DLG5: variants seen among roughly 807,000 people sequenced by gnomAD.
DLG5 encodes discs large MAGUK scaffold protein 5.
DLG5 carries 48 observed loss-of-function variants against 189.8 expected under a neutral mutation model. That is an observed-to-expected ratio of 0.25 (90% CI 0.20 to 0.32). The LOEUF (loss-of-function observed/expected upper bound fraction) is 0.32, where lower values mean the gene tolerates loss of function less well. Ranked by LOEUF, DLG5 falls within the 10% of genes least tolerant of loss-of-function variation. The pLI is 1.00. For synonymous variants in DLG5, 1,016 were observed against 1,054.1 expected, an observed-to-expected ratio of 0.96 and a Z score of 0.70; for missense variants, 2,160 against 2,544.7, an observed-to-expected ratio of 0.85 and a Z score of 3.25.
intron 23 of DLG5, 116 bp from the exon 24 acceptor site, chr10:77,809,846 A>T: frequency 8.1e-7 from 1 of 1,236,284 alleles, no homozygotes; most frequent in Non-Finnish European, 1.1e-6. Context: ...TCAGAACCAC[A>T]GGGAGCTGAG....
chr10:77,844,723 A>T (rs928994484), intron 5 of DLG5, among the ~76,000 whole-genome samples: 2 of 152,262 alleles, frequency 1.3e-5, no homozygotes, highest in Non-Finnish European at 2.9e-5. Context: ...TCAAGAAAAT[A>T]AAAAATAAAA....
At chr10:77,911,630 A>T (rs1846224073) in intron 1 of DLG5, among the ~76,000 whole-genome samples, 1 of 152,046 alleles carries the variant, frequency 6.6e-6, no homozygotes, top group African/African-American at 2.4e-5. Flanking sequence ...CAGACAAGCA[A>T]ACTGGGGTGG....
intron 16 of DLG5, chr10:77,819,694 G>T (rs1842239218): frequency 6.5e-6 from 7 of 1,076,156 alleles, no homozygotes; most frequent in East Asian, 2.5e-5. Flanking sequence ...GTTGCTATGG[G>T]GAGAAAGCAT....
chr10:77,802,178 C>T (rs1389722429), intron 27 of DLG5, among the ~76,000 whole-genome samples: 2 of 152,142 alleles, frequency 1.3e-5, no homozygotes, highest in African/African-American at 4.8e-5. Context: ...CTTCTGGCCT[C>T]CAGAACTGTG....
At position 77,915,157 on chromosome 10, in the gene DLG5, T is replaced by C. The variant is rs7908354; in HGVS notation, c.304+11060A>G. ...GCCTGGCCAAGAGAGTGAAACCCCA[T>C]CTCTACTAAAAATACAAAAATTAGC... On this transcript the variant is annotated intron_variant, in intron 1 of 31. Coordinates refer to ENST00000372391, the MANE Select transcript of DLG5 (RefSeq NM_004747.4). Among the ~76,000 whole-genome samples, 1,367 of 151,910 alleles carry C rather than the reference T, an allele frequency of 9.0e-3. 23 individuals carry two copies. The highest frequency in any genetic ancestry group is 0.031 in the African/African-American group (1,286 of 41,432).
the DLG5 span, among the ~76,000 whole-genome samples, chr10:77,934,808 C>T: frequency 6.6e-6 from 1 of 151,466 alleles, no homozygotes; most frequent in Non-Finnish European, 1.5e-5. Flanking sequence ...GACCTGTCAT[C>T]TACAGAGCTG....
chr10:77,836,870 A>T (rs987645893), intron 7 of DLG5, among the ~76,000 whole-genome samples: 1 of 150,900 alleles, frequency 6.6e-6, no homozygotes, highest in African/African-American at 2.4e-5. Context: ...GTGTTTGTTT[A>T]GTTTGCTATT....
intron 8 of DLG5, among the ~76,000 whole-genome samples, 153 bp downstream of exon 8, chr10:77,835,585 A>C (rs1255158449): frequency 3.3e-5 from 5 of 152,194 alleles, no homozygotes; most frequent in Admixed American, 2.0e-4. Flanking sequence ...AGGCAAGGCT[A>C]GGGCATCAAC....
In DLG5 at chr10:77,830,723, C is replaced by T. The variant is rs1270863816; in HGVS notation, c.1881+18G>A. ...CATCCATCAGAGAAGGAGAGAAGAA[C>T]CATCAGAGGCAGCTTACCGTCTCCC... On this transcript the variant is annotated intron_variant, in intron 10 of 31. Transcript: ENST00000372391. The T allele has an allele frequency of 2.5e-6, 4 of 1,612,630 alleles. No homozygotes were observed. The highest frequency in any genetic ancestry group is 4.5e-5 in the East Asian group (2 of 44,858).
At position 77,843,671 on chromosome 10, in the gene DLG5, G is replaced by A. The variant is rs1248789057; in HGVS notation, c.900C>T (p.Asn300=). The A allele has an allele frequency of 1.5e-5, 24 of 1,613,914 alleles. No homozygotes were observed. Among genetic ancestry groups the A allele is most frequent in the Non-Finnish European group, 2.0e-5 (24 of 1,180,014 alleles). ...TGTCCATGGCCGTGTCATACAGTTT[G>A]TTGAGAATCTCGGATGACCCGTTGT... ...LKHNGSSEIL[N]KLYDTAMDKL... Residue 300 remains asparagine (N), a synonymous_variant, in exon 6 of 32, where the codon AAC becomes AAT. Transcript: ENST00000372391.
At position 77,796,615 on chromosome 10, in the gene DLG5, G is replaced by A; in HGVS notation, c.5165-21C>T. ...CGAATCTGAGGGAGAGAGAGCAGCA[G>A]CGTCACGGACCCAGCTTGGAGTGGA... On this transcript the variant is annotated intron_variant, in intron 27 of 31. Coordinates refer to ENST00000372391, the MANE Select transcript of DLG5 (RefSeq NM_004747.4). This position sits in a 1 kb window ranked among gnomAD's most constrained non-coding sequence, Gnocchi z 5.2. 1 of 1,613,508 alleles carries A rather than the reference G, an allele frequency of 6.2e-7. No individual in the cohort carries two copies. Among genetic ancestry groups the A allele is most frequent in the Non-Finnish European group, 8.5e-7 (1 of 1,179,704 alleles).
intron 1 of DLG5, among the ~76,000 whole-genome samples, chr10:77,906,055 G>A (rs1326923757): frequency 6.6e-6 from 1 of 152,190 alleles, no homozygotes; most frequent in Non-Finnish European, 1.5e-5. Flanking sequence ...CATTTGCTCT[G>A]CAGGAATGGA....
rs755224782 is a variant in DLG5 at position 77,805,745 on chromosome 10, T to C, written c.5084A>G (p.His1695Arg). 39 of 1,614,066 alleles carry C rather than the reference T, an allele frequency of 2.4e-5. No homozygotes were observed. The highest frequency in any genetic ancestry group is 3.1e-5 in the Non-Finnish European group (36 of 1,180,044). The change falls in exon 27 of 32, where the codon CAC becomes CGC. Residue 1695 changes from histidine to arginine, a missense_variant. By Grantham distance (29) the His-to-Arg change is conservative. Around this residue, in one of 5 missense-constraint regions of DLG5, gnomAD observed 574 missense variants for 644.2 expected, o/e 0.89. Coordinates refer to ENST00000372391, the MANE Select transcript of DLG5 (RefSeq NM_004747.4). ...RRSFFRRKHK[H>R]KRSGSKDGKD... ...CCCGTCCTTGGACCCGCTGCGTTTG[T>C]GCTTGTGTTTCCTCCGAAAAAAGGA...
At chr10:77,871,120 T>A (rs1290572449) in intron 1 of DLG5, among the ~76,000 whole-genome samples, 1 of 152,158 alleles carries the variant, frequency 6.6e-6, no homozygotes. Context: ...AGAGAATGAC[T>A]GGGGAATGGG....
intron 1 of DLG5, among the ~76,000 whole-genome samples, chr10:77,909,006 T>C (rs1267830622): frequency 6.6e-6 from 1 of 152,192 alleles, no homozygotes; most frequent in East Asian, 1.9e-4. Flanking sequence ...GCAGGATATA[T>C]ATGTTCCAGC....
chr10:77,807,827 T>C lies in DLG5; in HGVS notation c.4765A>G (p.Lys1589Glu). 1 of 1,614,122 alleles carries C rather than the reference T, an allele frequency of 6.2e-7. No homozygotes were observed. The highest frequency in any genetic ancestry group is 8.5e-7 in the Non-Finnish European group (1 of 1,179,986). The change falls in exon 25 of 32, where the codon AAG (lysine) becomes GAG (glutamate). Residue 1589 changes from lysine to glutamate, a missense_variant. By Grantham distance (56) the Lys-to-Glu change is moderately conservative. This residue lies in a region of DLG5 where 574 missense variants were observed against 644.2 expected (regional missense o/e 0.89). Coordinates refer to ENST00000372391, the MANE Select transcript of DLG5 (RefSeq NM_004747.4). Reference sequence around the variant, plus strand: ...TAGAAGCTGTCACCAGGCAGGCCCTTGGCCTTCGTGAACTCCTCAGGGCGG... The same window carrying C: ...TAGAAGCTGTCACCAGGCAGGCCCTCGGCCTTCGTGAACTCCTCAGGGCGG... ...QYRPEEFTKAKGLPGDSFYIR... is the reference protein window; with the variant it reads ...QYRPEEFTKAEGLPGDSFYIR...
rs117245986 is a variant in DLG5, at chr10:77,799,534, C to T, written c.5165-2940G>A. ...ACCAACCACACTGGCACCCAGATCT[C>T]GGATTTCCAACCTCAAGAACTGTGA... On this transcript the variant is annotated intron_variant, in intron 27 of 31. Transcript: ENST00000372391. 2.3e-4 allele frequency among the ~76,000 whole-genome samples: 35 copies of T among 152,314 alleles called. No individual in the cohort carries two copies. In the East Asian group the frequency reaches 6.0e-3, roughly 26 times the overall value.
intron 3 of DLG5, 48 bp from the exon 4 acceptor site, chr10:77,854,418 C>T (rs199709681): frequency 1.2e-6 from 2 of 1,607,550 alleles, no homozygotes; most frequent in East Asian, 4.5e-5. Context: ...CCAGGATTCA[C>T]ACGGATAGAG....
chr10:77,806,966 C>A, intron 25 of DLG5, 38 bp from the exon 26 acceptor site: 1 of 1,589,470 alleles, frequency 6.3e-7, no homozygotes, highest in Non-Finnish European at 8.6e-7. Context: ...TCAGGCGGCT[C>A]TGGCCACCAA....
Sources: gnomAD v4.1 joint callset for allele counts (sites outside exome capture counted in the v4.1 genomes callset) on GRCh38, gnomAD v4.1.1 for gene constraint, gnomAD v4.1.1 regional missense constraint, Gnocchi (gnomAD v3.1) non-coding constraint, MANE v1.5 for transcripts, NCBI Gene and HGNC (gene_info 2026-07-23, HGNC 2026-07-21) for gene names.